The following NELL1 variants were observed in gnomAD, a reference collection of about 807,000 sequenced individuals.
NELL1 encodes neural EGFL like 1.
In NELL1, 76 loss-of-function variants were observed where a neutral mutation model predicts 107.4. The ratio of observed to expected loss-of-function variants is 0.71; its 90% CI spans 0.59 to 0.86. The LOEUF (loss-of-function observed/expected upper bound fraction) is 0.86. NELL1 is among the 40% of genes least tolerant of loss of function. The pLI is 0.00. For synonymous variants in NELL1, 353 were observed against 341.2 expected, an observed-to-expected ratio of 1.03 and a Z score of -0.38; for missense variants, 1,024 against 1,005.5, an observed-to-expected ratio of 1.02 and a Z score of -0.25.
At chr11:21,444,816 C>G (rs1246186049) in intron 15 of NELL1, among the ~76,000 whole-genome samples, 2 of 152,040 alleles carry the variant, frequency 1.3e-5, no homozygotes, top group Admixed American at 6.6e-5. Flanking sequence ...AGTACTAGCT[C>G]TTATTTGTTC....
Position 21,229,462 on chromosome 11 carries a change from T to G in NELL1, c.1549+8T>G. 6.2e-7 allele frequency: 1 copy of G among 1,613,414 alleles called. No homozygotes were observed. The highest frequency in any genetic ancestry group is 8.5e-7 in the Non-Finnish European group (1 of 1,179,638). ...ACGGGACCATCTGCAGAGGTAGGCT[T>G]GCCGCCTTAGTGTTGAGTTGTGAGC... On this transcript the variant is annotated splice_region_variant and intron_variant, in intron 14 of 19. Transcript: ENST00000357134.
chr11:20,798,493 TCTC>T lies in NELL1; in HGVS notation c.335+14666_335+14668del, dbSNP rs1453028985. Among the ~76,000 whole-genome samples the T allele has an allele frequency of 4.0e-5, 5 of 124,350 alleles. No homozygotes were observed. In the East Asian group the frequency reaches 9.9e-4, roughly 25 times the overall value. The allele number at this position is 124,350 out of a possible 152,430, so 81.6% of individuals were successfully genotyped here. A position where few individuals can be genotyped will look rare whatever the true frequency, so the allele number is the denominator to read the frequency against. Reference sequence around the variant, plus strand: ...TAAAATCATTTAAGCTCAATGGAATTCTCCTAGAGAATTTAAAAAAACTCTTCT... The same window carrying T: ...TAAAATCATTTAAGCTCAATGGAATTCTAGAGAATTTAAAAAAACTCTTCT... On this transcript the variant is annotated intron_variant, in intron 3 of 19. Transcript: ENST00000357134.
chr11:21,000,339 G>T (rs935409462), intron 12 of NELL1, among the ~76,000 whole-genome samples: 2 of 152,020 alleles, frequency 1.3e-5, no homozygotes, highest in Non-Finnish European at 2.9e-5. Context: ...TAAAGTGTTT[G>T]TGTATTACCT....
chr11:20,747,742 A>G (rs1337192254), intron 2 of NELL1, among the ~76,000 whole-genome samples: 2 of 152,186 alleles, frequency 1.3e-5, no homozygotes, highest in African/African-American at 4.8e-5. Context: ...GCAGCACTTG[A>G]GGTCATGGGA....
chr11:20,895,140 C>T (rs1849699937), intron 5 of NELL1, among the ~76,000 whole-genome samples: 2 of 142,638 alleles, frequency 1.4e-5, no homozygotes, highest in Non-Finnish European at 1.5e-5. Flanking sequence ...GGCGTAGTGG[C>T]GGGCGCCTGT....
chr11:21,221,317 A>T (rs981233514), intron 13 of NELL1, among the ~76,000 whole-genome samples: 6 of 152,158 alleles, frequency 3.9e-5, no homozygotes, highest in Admixed American at 1.3e-4. Flanking sequence ...ATCTGTATTA[A>T]TCAGGGATAT....
intron 13 of NELL1, among the ~76,000 whole-genome samples, chr11:21,152,840 A>G (rs1158371981): frequency 6.6e-6 from 1 of 152,150 alleles, no homozygotes; most frequent in African/African-American, 2.4e-5. Flanking sequence ...AGCTATTTCC[A>G]GAGGCTTTTT....
rs532714694 is a variant in NELL1 at position 20,726,025 on chromosome 11, T to C, written c.184+47965T>C. On this transcript the variant is annotated intron_variant, in intron 2 of 19. Transcript: ENST00000357134. ...TGTTTTCTGTTCCTTTGTTAATACA[T>C]GTAGGATAGTGGCCTCCAGCTGCAT... is the stretch of plus-strand genomic sequence containing the variant. Among the ~76,000 whole-genome samples, 19 of 152,334 alleles carry C rather than the reference T, an allele frequency of 1.2e-4. No homozygotes were observed. The South Asian group carries it at 3.1e-3, about 25-fold the overall frequency.
chr11:21,127,191 CAG>C (rs1479097905), intron 13 of NELL1, among the ~76,000 whole-genome samples: 3 of 151,948 alleles, frequency 2.0e-5, no homozygotes, highest in Non-Finnish European at 4.4e-5. Context: ...TCGCAACACA[CAG>C]AGAGACAGGT....
In NELL1 at chr11:20,747,623, T is replaced by C. The variant is rs535275500; in HGVS notation, c.185-36057T>C. 5.1e-4 allele frequency among the ~76,000 whole-genome samples: 78 copies of C among 152,322 alleles called. 1 individual carries two copies. The South Asian group carries it at 0.016, about 31-fold the overall frequency. On this transcript the variant is annotated intron_variant, in intron 2 of 19. Transcript: ENST00000357134. ...AGCAGAACCCTTATCACCTAGTCAC[T>C]TCCTAAAGGCCCCACCTCTCAATAT...
At chr11:20,896,135 CTCTCACCCTT>C (rs1849732781) in intron 5 of NELL1, among the ~76,000 whole-genome samples, 1 of 152,150 alleles carries the variant, frequency 6.6e-6, no homozygotes, top group African/African-American at 2.4e-5. Context: ...CCCTCACCCT[CTCTCACCCTT>C]TCACCTAAGT....
chr11:21,239,648 G>A (rs1297769945), intron 14 of NELL1, among the ~76,000 whole-genome samples: 1 of 152,008 alleles, frequency 6.6e-6, no homozygotes, highest in Admixed American at 6.6e-5. Context: ...CCCTACCACT[G>A]CTTGTTGGAG....
In NELL1 at chr11:20,855,643, A is replaced by C. The variant is rs147971019; in HGVS notation, c.506+7890A>C. Among the ~76,000 whole-genome samples the C allele has an allele frequency of 3.4e-3, 518 of 152,346 alleles. 4 individuals carry two copies. Among genetic ancestry groups the C allele is most frequent in the African/African-American group, 0.011 (469 of 41,586 alleles). On this transcript the variant is annotated intron_variant, in intron 4 of 19. Coordinates refer to ENST00000357134, the MANE Select transcript of NELL1 (RefSeq NM_006157.5). Reference sequence around the variant, plus strand: ...TGATAGGAAAAATATTGATGCTTGCATCTTAATTGTTGTAATTTTACTCTA... The same window carrying C: ...TGATAGGAAAAATATTGATGCTTGCCTCTTAATTGTTGTAATTTTACTCTA...
intron 15 of NELL1, among the ~76,000 whole-genome samples, chr11:21,435,510 T>G (rs1267193584): frequency 6.6e-6 from 1 of 151,780 alleles, no homozygotes; most frequent in Non-Finnish European, 1.5e-5. Flanking sequence ...TTTGTTTTTT[T>G]TTACCATGAA....
chr11:20,849,805 A>C (rs1468603809), intron 4 of NELL1, among the ~76,000 whole-genome samples: 2 of 152,210 alleles, frequency 1.3e-5, no homozygotes, highest in Non-Finnish European at 2.9e-5. Flanking sequence ...AAAAGGCTAG[A>C]AACATGGTTC....
intron 3 of NELL1, among the ~76,000 whole-genome samples, chr11:20,821,035 A>G (rs1195520951): frequency 1.3e-5 from 2 of 152,162 alleles, no homozygotes; most frequent in East Asian, 1.9e-4. Context: ...CCCCATCAAT[A>G]TTTGCCCTAT....
chr11:21,309,286 A>ATATATATGTATATATATATG (rs1565160446), intron 14 of NELL1, among the ~76,000 whole-genome samples: 1 of 109,206 alleles, frequency 9.2e-6, no homozygotes, highest in African/African-American at 4.4e-5. Context: ...ATATGTATAT[A>ATATATATGTATATATATATG]TATATATATA....
intron 15 of NELL1, among the ~76,000 whole-genome samples, chr11:21,423,324 T>C (rs894451353): frequency 5.3e-5 from 8 of 151,996 alleles, no homozygotes; most frequent in African/African-American, 1.9e-4. Flanking sequence ...GAGCTGAGAT[T>C]GCACCACTGC....
At chr11:21,053,477 G>T (rs1438611325) in intron 12 of NELL1, among the ~76,000 whole-genome samples, 1 of 152,096 alleles carries the variant, frequency 6.6e-6, no homozygotes, top group African/African-American at 2.4e-5. Context: ...GAACTTAATT[G>T]CACTCTTACA....
Sources: gnomAD v4.1 joint callset for allele counts (sites outside exome capture counted in the v4.1 genomes callset) on GRCh38, gnomAD v4.1.1 for gene constraint, MANE v1.5 for transcripts, NCBI Gene and HGNC (gene_info 2026-07-23, HGNC 2026-07-21) for gene names.